The following FRMPD2 variants were observed in gnomAD, a reference collection of about 807,000 sequenced individuals.
FRMPD2 encodes FERM and PDZ domain-containing protein 2.
A neutral mutation model predicts 140.1 loss-of-function variants in FRMPD2; 96 were observed. That is an observed-to-expected ratio of 0.69 (90% CI 0.58 to 0.81). The LOEUF is 0.81. Among genes scored for constraint, FRMPD2 ranks in the 40% least tolerant of loss-of-function variants. FRMPD2 has a pLI of 0.00. For missense variants in FRMPD2, 1,240 were observed against 1,447.4 expected, an observed-to-expected ratio of 0.86 and a Z score of 2.32; for synonymous variants, 449 against 547.6, an observed-to-expected ratio of 0.82 and a Z score of 2.52.
At chr10:48,249,303 G>A (rs79856298) in intron 2 of FRMPD2, 125 bp from the exon 3 acceptor site, 2 of 820,070 alleles carry the variant, frequency 2.4e-6, no homozygotes, top group African/African-American at 3.4e-5. Flanking sequence ...AAGACCCAGA[G>A]GAGACATGGA....
intron 6 of FRMPD2, 76 bp from the exon 7 acceptor site, chr10:48,239,768 T>C (rs1042651078): frequency 5.8e-6 from 6 of 1,035,772 alleles, no homozygotes; most frequent in Middle Eastern, 2.7e-4. Flanking sequence ...TCTCAGAGCA[T>C]GAATGGCATC....
chr10:48,190,452 T>C (rs1258134501), intron 16 of FRMPD2, among the ~76,000 whole-genome samples: 1 of 152,222 alleles, frequency 6.6e-6, no homozygotes, highest in Non-Finnish European at 1.5e-5. Context: ...AGCTGAGCCC[T>C]GGTTGCCCTC....
At chr10:48,209,135 G>A (rs1035039012) in intron 13 of FRMPD2, among the ~76,000 whole-genome samples, 2 of 152,130 alleles carry the variant, frequency 1.3e-5, no homozygotes, top group African/African-American at 4.8e-5. Context: ...TTATCAGGCA[G>A]CCTTTACAAA....
At chr10:48,233,072 G>A (rs553304732) in intron 9 of FRMPD2, among the ~76,000 whole-genome samples, 7 of 152,292 alleles carry the variant, frequency 4.6e-5, no homozygotes, top group African/African-American at 1.4e-4. Context: ...CTCTTCCTGA[G>A]TATCCCCATG....
intron 12 of FRMPD2, among the ~76,000 whole-genome samples, chr10:48,214,767 T>C (rs1444729554): frequency 6.6e-6 from 1 of 152,164 alleles, no homozygotes; most frequent in East Asian, 1.9e-4. Flanking sequence ...GCAATTTAAA[T>C]GATAATAATA....
chr10:48,254,023 A>G (rs1056374314), intron 1 of FRMPD2, among the ~76,000 whole-genome samples: 74 of 152,208 alleles, frequency 4.9e-4, no homozygotes, highest in African/African-American at 1.7e-3. Flanking sequence ...ACCATGATCC[A>G]GGAGTCAGTG....
At chr10:48,180,357 C>CTACTCCAGA (rs1838514129) in intron 21 of FRMPD2, among the ~76,000 whole-genome samples, 1 of 152,114 alleles carries the variant, frequency 6.6e-6, no homozygotes, top group Non-Finnish European at 1.5e-5. Flanking sequence ...CTCCATACAC[C>CTACTCCAGA]TACTCCAGAT....
chr10:48,223,375 G>A, intron 10 of FRMPD2, 105 bp from the exon 11 acceptor site: 1 of 1,166,386 alleles, frequency 8.6e-7, no homozygotes, highest in Non-Finnish European at 1.2e-6. Context: ...CACGAGCTGG[G>A]TGAGTGCAGG....
At chr10:48,254,908 A>G in intron 1 of FRMPD2, among the ~76,000 whole-genome samples, 1 of 152,230 alleles carries the variant, frequency 6.6e-6, no homozygotes, top group East Asian at 1.9e-4. Flanking sequence ...AATAGTCATT[A>G]GCCTTTAGCC....
intron 15 of FRMPD2, among the ~76,000 whole-genome samples, chr10:48,198,395 G>A (rs547371557): frequency 6.6e-6 from 1 of 152,294 alleles, no homozygotes; most frequent in East Asian, 1.9e-4. Flanking sequence ...ATAAATGGAA[G>A]AAAATTAAAT....
chr10:48,240,352 G>T lies in FRMPD2; in HGVS notation c.700+8C>A, dbSNP rs376296346. ...CCCACGCAGGGACTGCTTAGGGCAC[G>T]TACCCACCTCTGCAAGGATGCAGAC... On this transcript the variant is annotated splice_region_variant and intron_variant, in intron 6 of 28. Coordinates refer to ENST00000374201, the MANE Select transcript of FRMPD2 (RefSeq NM_001018071.4). 1.9e-6 allele frequency: 3 copies of T among 1,610,554 alleles called. No individual in the cohort carries two copies. Among genetic ancestry groups the T allele is most frequent in the Non-Finnish European group, 1.7e-6 (2 of 1,179,930 alleles).
chr10:48,191,801 G>T (rs1009168889), intron 16 of FRMPD2, among the ~76,000 whole-genome samples: 1 of 152,054 alleles, frequency 6.6e-6, no homozygotes, highest in African/African-American at 2.4e-5. Context: ...TTTATGAATC[G>T]TTTTGTCATG....
At chr10:48,225,033 A>C (rs1011625559) in intron 10 of FRMPD2, among the ~76,000 whole-genome samples, 3 of 152,218 alleles carry the variant, frequency 2.0e-5, no homozygotes, top group Non-Finnish European at 4.4e-5. Context: ...TACAAAGAAT[A>C]ATCATACAAG....
rs778380389 is a variant in FRMPD2, at chr10:48,187,183, G to A, written c.2266+9C>T. ...TCCACCCAAGACCTGGTCGTGGCCT[G>A]GCCCATACCTGCATGCATGCTCTGA... is the stretch of plus-strand genomic sequence containing the variant. On this transcript the variant is annotated intron_variant, in intron 17 of 28. Coordinates refer to ENST00000374201, the MANE Select transcript of FRMPD2 (RefSeq NM_001018071.4). 2 of 1,607,674 alleles carry A rather than the reference G, an allele frequency of 1.2e-6. No homozygotes were observed. Among genetic ancestry groups the A allele is most frequent in the African/African-American group, 2.7e-5 (2 of 74,876 alleles).
chr10:48,272,806 T>A (rs1042477799), intron 1 of FRMPD2, among the ~76,000 whole-genome samples: 2 of 152,370 alleles, frequency 1.3e-5, no homozygotes, highest in South Asian at 4.1e-4. Context: ...AAAACTATGA[T>A]CTGATCCAGC....
chr10:48,245,213 C>T (rs574528255), intron 3 of FRMPD2, among the ~76,000 whole-genome samples: 3 of 152,268 alleles, frequency 2.0e-5, no homozygotes, highest in South Asian at 2.1e-4. Flanking sequence ...GCAGCCATTC[C>T]GTGACAATGA....
chr10:48,187,076 C>A, intron 17 of FRMPD2, 116 bp downstream of exon 17: 1 of 653,814 alleles, frequency 1.5e-6, no homozygotes, highest in Non-Finnish European at 2.6e-6. Context: ...ATTCAAAAAA[C>A]AAGAAGGTTA....
At chr10:48,233,780 G>A (rs1839906341) in intron 9 of FRMPD2, among the ~76,000 whole-genome samples, 1 of 151,914 alleles carries the variant, frequency 6.6e-6, no homozygotes, top group African/African-American at 2.4e-5. Context: ...AGCCTCCCCT[G>A]CCCCTTCATC....
Position 48,232,210 on chromosome 10 carries a change from C to T in FRMPD2, c.1073G>A (p.Cys358Tyr). ...LLNGQHLEVKCDVESTVGAVF... is the reference protein window; with the variant it reads ...LLNGQHLEVKYDVESTVGAVF... ...AGCTCCCACTGTTGATTCAACATCA[C>T]ATTTTACCTCCAGGTGCTGCCCGTT... Residue 358 changes from cysteine (C) to tyrosine (Y), a missense_variant, in exon 10 of 29, where the codon TGT becomes TAT. By Grantham distance (194) the Cys-to-Tyr change is radical. Around this residue, in one of 6 missense-constraint regions of FRMPD2, gnomAD observed 1,161 missense variants for 1,055.9 expected, o/e 1.10. Coordinates refer to ENST00000374201, the MANE Select transcript of FRMPD2 (RefSeq NM_001018071.4). The T allele has an allele frequency of 4.3e-6, 7 of 1,614,186 alleles. No individual in the cohort carries two copies. Among genetic ancestry groups the T allele is most frequent in the Non-Finnish European group, 5.9e-6 (7 of 1,180,020 alleles).
Sources: allele counts gnomAD v4.1 joint callset (sites outside exome capture counted in the v4.1 genomes callset), GRCh38; gene constraint gnomAD v4.1.1; regional missense constraint gnomAD v4.1.1; transcripts MANE v1.5; gene names NCBI Gene and HGNC (gene_info 2026-07-23, HGNC 2026-07-21).